Variants in ITCH observed in about 807,000 individuals in gnomAD.
The protein encoded by ITCH is itchy E3 ubiquitin protein ligase, also known as E3 ubiquitin-protein ligase Itchy homolog.
A neutral mutation model predicts 126.8 loss-of-function variants in ITCH; 28 were observed. The ratio of observed to expected loss-of-function variants is 0.22; its 90% confidence interval spans 0.16 to 0.30. ITCH has a LOEUF of 0.30. Among genes scored for constraint, ITCH ranks in the 10% least tolerant of loss-of-function variants. The pLI, the probability that ITCH is intolerant of heterozygous loss-of-function variation, is 1.00. For missense variants in ITCH, 631 were observed against 1,032.4 expected (o/e 0.61, Z 5.33); for synonymous variants, 342 against 340.0 (o/e 1.01, Z -0.06).
chr20:34,372,642 T>C (rs1323641597), intron 2 of ITCH, among the ~76,000 whole-genome samples: 1 of 151,926 alleles, frequency 6.6e-6, no homozygotes, highest in Non-Finnish European at 1.5e-5. Context: ...AGCCTCTCAA[T>C]GTGCTGGGAT....
chr20:34,384,810 G>T (rs190987927), intron 2 of ITCH, among the ~76,000 whole-genome samples: 1 of 150,382 alleles, frequency 6.6e-6, no homozygotes, highest in Non-Finnish European at 1.5e-5. Flanking sequence ...ACAGGCGCCC[G>T]CCACCACACC....
intron 23 of ITCH, among the ~76,000 whole-genome samples, chr20:34,495,209 G>C (rs1160690212): frequency 6.6e-6 from 1 of 150,478 alleles, no homozygotes; most frequent in Non-Finnish European, 1.5e-5. Context: ...AGGTTGCAGT[G>C]AGTCGAGATT....
intron 2 of ITCH, among the ~76,000 whole-genome samples, chr20:34,374,221 T>G (rs935927505): frequency 6.6e-6 from 1 of 152,194 alleles, no homozygotes; most frequent in African/African-American, 2.4e-5. Context: ...GGTTCTACAA[T>G]TTTGTCTTGA....
At chr20:34,407,636 C>G (rs1356911067) in intron 3 of ITCH, among the ~76,000 whole-genome samples, 1 of 152,162 alleles carries the variant, frequency 6.6e-6, no homozygotes, top group African/African-American at 2.4e-5. Context: ...ACCATTCCTT[C>G]CTGTGCTTGC....
intron 7 of ITCH, among the ~76,000 whole-genome samples, chr20:34,430,850 T>C (rs940266228): frequency 2.0e-5 from 3 of 152,224 alleles, no homozygotes; most frequent in Non-Finnish European, 4.4e-5. Context: ...GTATATAGTT[T>C]GGATTATGTG....
At chr20:34,449,098 A>G (rs1255466416) in intron 11 of ITCH, among the ~76,000 whole-genome samples, 1 of 152,038 alleles carries the variant, frequency 6.6e-6, no homozygotes, top group Non-Finnish European at 1.5e-5. Context: ...GGGGTTATAT[A>G]TTTTTCTAAT....
intron 2 of ITCH, among the ~76,000 whole-genome samples, chr20:34,387,277 T>C (rs2038318197): frequency 1.3e-5 from 2 of 148,940 alleles, no homozygotes; most frequent in African/African-American, 5.0e-5. Context: ...CACTCCAGCC[T>C]GGGCGACACA....
chr20:34,422,944 G>A (rs990149367), intron 6 of ITCH, among the ~76,000 whole-genome samples: 3 of 152,030 alleles, frequency 2.0e-5, no homozygotes, highest in East Asian at 3.9e-4. Flanking sequence ...ACAGGCGCCC[G>A]CCACCACACT....
At chr20:34,487,195 G>T (rs935162860) in intron 20 of ITCH, among the ~76,000 whole-genome samples, 50 of 151,520 alleles carry the variant, frequency 3.3e-4, no homozygotes, top group Non-Finnish European at 6.6e-4. Context: ...TGTATTTTTA[G>T]TAGAGACAGG....
At chr20:34,368,949 C>A (rs2037518865) in intron 1 of ITCH, among the ~76,000 whole-genome samples, 1 of 152,162 alleles carries the variant, frequency 6.6e-6, no homozygotes, top group Admixed American at 6.6e-5. Flanking sequence ...CCTGTCTGCT[C>A]CATTAAAAAT....
chr20:34,473,224 G>A (rs1987813918), intron 16 of ITCH, among the ~76,000 whole-genome samples: 1 of 152,180 alleles, frequency 6.6e-6, no homozygotes, highest in African/African-American at 2.4e-5. Context: ...TGTTTCTTCT[G>A]TTAACACAGC....
At chr20:34,434,878 C>T (rs777811105) in intron 7 of ITCH, among the ~76,000 whole-genome samples, 3 of 152,120 alleles carry the variant, frequency 2.0e-5, no homozygotes, top group African/African-American at 4.8e-5. Context: ...TTGGCTTGGT[C>T]TCTTTGACAT....
At chr20:34,489,749 C>T in intron 21 of ITCH, 73 bp from the exon 22 acceptor site, 1 of 975,716 alleles carries the variant, frequency 1.0e-6, no homozygotes, top group Non-Finnish European at 1.7e-6. Context: ...TTTGCTTAAT[C>T]TTAGTCTTTC....
intron 23 of ITCH, among the ~76,000 whole-genome samples, chr20:34,493,971 A>G (rs752728485): frequency 7.2e-5 from 11 of 152,206 alleles, no homozygotes; most frequent in Non-Finnish European, 1.2e-4. Context: ...CCTCACGCCT[A>G]TAATTCCAGC....
In ITCH at chr20:34,445,410, T is replaced by C; in HGVS notation, c.1089T>C (p.Arg363=). ...ACTATGAACAATGGCAGCTACAGCGTAGTCAGCTTCAAGGAGCAATGCAGC... is the reference window on the plus strand; with the variant it reads ...ACTATGAACAATGGCAGCTACAGCGCAGTCAGCTTCAAGGAGCAATGCAGC... ...VRNYEQWQLQ[R]SQLQGAMQQF... The change falls in exon 11 of 25, where the codon CGT becomes CGC. Residue 363 remains arginine, a synonymous_variant. Transcript: ENST00000374864. 6.2e-7 allele frequency: 1 copy of C among 1,614,190 alleles called. No homozygotes were observed. Among genetic ancestry groups the C allele is most frequent in the African/African-American group, 1.3e-5 (1 of 75,050 alleles).
rs147824534 is a variant in ITCH at position 34,479,735 on chromosome 20, C to T, written c.1764C>T (p.Tyr588=). The change falls in exon 18 of 25, where the codon TAC becomes TAT. Residue 588 remains tyrosine, a synonymous_variant. Coordinates refer to ENST00000374864, the MANE Select transcript of ITCH (RefSeq NM_031483.7). The part of the protein sequence containing the change: ...NYCLQINPAS[Y]INPDHLKYFR... ...GCTTGCAGATAAACCCCGCTTCTTA[C>T]ATCAATCCAGATCACCTGAAATATT... The T allele has an allele frequency of 7.4e-6, 12 of 1,613,978 alleles. No individual in the cohort carries two copies. Among genetic ancestry groups the T allele is most frequent in the Middle Eastern group, 1.6e-4 (1 of 6,084 alleles).
chr20:34,371,361 C>T (rs1030716555), intron 2 of ITCH, among the ~76,000 whole-genome samples: 1 of 141,020 alleles, frequency 7.1e-6, no homozygotes, highest in Non-Finnish European at 1.5e-5. Flanking sequence ...ACTGCAGCTT[C>T]TGCCCCCTGG....
chr20:34,492,866 A>G (rs1449986250), intron 23 of ITCH, among the ~76,000 whole-genome samples: 2 of 152,160 alleles, frequency 1.3e-5, no homozygotes, highest in Non-Finnish European at 2.9e-5. Context: ...TTTGCCAAAC[A>G]TGTGTGTCTT....
intron 12 of ITCH, among the ~76,000 whole-genome samples, 161 bp from the exon 13 acceptor site, chr20:34,457,229 A>T (rs1279714006): frequency 6.6e-6 from 1 of 152,238 alleles, no homozygotes; most frequent in Admixed American, 6.5e-5. Flanking sequence ...ATGTGCATTT[A>T]ATAGTCAATA....
Sources: allele counts gnomAD v4.1 joint callset (sites outside exome capture counted in the v4.1 genomes callset), GRCh38; gene constraint gnomAD v4.1.1; transcripts MANE v1.5; gene names NCBI Gene and HGNC (gene_info 2026-07-23, HGNC 2026-07-21).